Variants in STIM1 observed in about 807,000 individuals in gnomAD.
STIM1 encodes the protein stromal interaction molecule 1.
Under a neutral mutation model 74.7 loss-of-function variants are expected in STIM1, and 25 were observed. That is an observed-to-expected ratio of 0.33 (90% CI 0.24 to 0.47). The LOEUF (loss-of-function observed/expected upper bound fraction) is 0.47, where lower values mean the gene tolerates loss of function less well. Among genes scored for constraint, STIM1 ranks in the 20% least tolerant of loss-of-function variants. STIM1 has a pLI of 1.00. For synonymous variants in STIM1, 328 were observed against 348.8 expected (o/e 0.94, Z 0.66); for missense variants, 728 against 920.8 (o/e 0.79, Z 2.71).
chr11:4,074,646 C>T lies in STIM1; in HGVS notation c.936C>T (p.Ser312=). The T allele has an allele frequency of 6.3e-7, 1 of 1,580,458 alleles. No individual in the cohort carries two copies. Among genetic ancestry groups the T allele is most frequent in the Non-Finnish European group, 8.6e-7 (1 of 1,162,424 alleles). ...GGGAGGGTACTGAGAATGAGCGGAG[C>T]CGCCAAAAATATGCTGAGGAGGAGT... ...ELREGTENER[S]RQKYAEEELE... Residue 312 remains serine, a synonymous_variant, in exon 7 of 13, where the codon AGC becomes AGT. Transcript: ENST00000526596.
chr11:4,022,206 A>G (rs1384301550), intron 2 of STIM1, among the ~76,000 whole-genome samples: 2 of 151,692 alleles, frequency 1.3e-5, no homozygotes, highest in East Asian at 3.9e-4. Context: ...GGTGGCGTGC[A>G]CACCTATAGT....
chr11:4,090,733 G>A (rs1471729789), intron 12 of STIM1, among the ~76,000 whole-genome samples: 4 of 152,194 alleles, frequency 2.6e-5, no homozygotes, highest in Non-Finnish European at 5.9e-5. Flanking sequence ...TTGAGTCCCA[G>A]GAAATACAGC....
At chr11:3,953,529 G>T (rs527643833) in intron 1 of STIM1, among the ~76,000 whole-genome samples, 2 of 152,308 alleles carry the variant, frequency 1.3e-5, no homozygotes, top group South Asian at 2.1e-4. Context: ...ATAGGACGTG[G>T]TATAGGAAGT....
At chr11:4,064,912 G>A (rs917289480) in intron 5 of STIM1, among the ~76,000 whole-genome samples, 25 of 152,162 alleles carry the variant, frequency 1.6e-4, no homozygotes, top group African/African-American at 6.0e-4. Flanking sequence ...GTTAGGAGAT[G>A]TTATCCATCT....
At chr11:4,076,234 G>A (rs766889156) in intron 7 of STIM1, among the ~76,000 whole-genome samples, 9 of 151,672 alleles carry the variant, frequency 5.9e-5, no homozygotes, top group Non-Finnish European at 1.0e-4. Context: ...GACTGTAATC[G>A]CAGCAGTTTG....
intron 2 of STIM1, 108 bp downstream of exon 2, chr11:3,967,790 G>T: frequency 6.5e-7 from 1 of 1,526,752 alleles, no homozygotes; most frequent in Admixed American, 1.7e-5. Flanking sequence ...CTGCTGGCTT[G>T]TTCTTTAGGA....
At chr11:3,865,792 G>T (rs2090832466) in intron 1 of STIM1, among the ~76,000 whole-genome samples, 1 of 152,160 alleles carries the variant, frequency 6.6e-6, no homozygotes, top group Non-Finnish European at 1.5e-5. Flanking sequence ...ACTTTGTGGG[G>T]TTACTCGTGG....
chr11:4,054,206 G>A (rs1005390519), intron 3 of STIM1, among the ~76,000 whole-genome samples: 1 of 152,204 alleles, frequency 6.6e-6, no homozygotes, highest in Non-Finnish European at 1.5e-5. Context: ...GTAGATGTGA[G>A]AGGAGGAGAG....
At chr11:3,972,358 C>G (rs1479750357) in intron 2 of STIM1, among the ~76,000 whole-genome samples, 4 of 152,204 alleles carry the variant, frequency 2.6e-5, no homozygotes, top group Non-Finnish European at 5.9e-5. Context: ...TTCAGGGCCT[C>G]TTGCACTATT....
chr11:4,037,800 TATG>T (rs1159380436), intron 3 of STIM1, among the ~76,000 whole-genome samples: 4 of 152,160 alleles, frequency 2.6e-5, no homozygotes, highest in African/African-American at 4.8e-5. Flanking sequence ...ATTAATCAAA[TATG>T]ATTGATATGA....
chr11:4,068,625 G>A (rs1590687670), intron 5 of STIM1, among the ~76,000 whole-genome samples: 2 of 152,062 alleles, frequency 1.3e-5, no homozygotes, highest in African/African-American at 2.4e-5. Flanking sequence ...GGGGATGGCC[G>A]CTAGAGGACC....
chr11:3,880,683 T>C (rs1366705146), intron 1 of STIM1, among the ~76,000 whole-genome samples: 2 of 152,104 alleles, frequency 1.3e-5, no homozygotes, highest in Non-Finnish European at 2.9e-5. Flanking sequence ...AAATAAATCA[T>C]ATTCAGACCA....
chr11:4,059,433 T>C (rs1452088325), intron 5 of STIM1, 37 bp downstream of exon 5: 18 of 1,586,646 alleles, frequency 1.1e-5, no homozygotes, highest in Non-Finnish European at 1.4e-5. Context: ...TGCTGTGCCA[T>C]GGAAACCAAA....
At chr11:3,911,055 G>T (rs1481920110) in intron 1 of STIM1, among the ~76,000 whole-genome samples, 4 of 152,112 alleles carry the variant, frequency 2.6e-5, no homozygotes, top group Non-Finnish European at 5.9e-5. Context: ...GAGTCTGTGG[G>T]ATTTGGCCTG....
intron 1 of STIM1, chr11:3,892,899 CG>C (rs760738207): frequency 3.3e-5 from 47 of 1,415,164 alleles, no homozygotes; most frequent in Middle Eastern, 1.8e-4. Flanking sequence ...GCTGATAGTA[CG>C]GGGCTCCCGG....
intron 2 of STIM1, among the ~76,000 whole-genome samples, chr11:3,978,171 G>A (rs1048454129): frequency 1.4e-5 from 2 of 146,822 alleles, no homozygotes; most frequent in African/African-American, 5.1e-5. Flanking sequence ...TTTTTGAGAC[G>A]GAGTTTCGCT....
At chr11:3,863,042 G>A (rs1331392994) in intron 1 of STIM1, among the ~76,000 whole-genome samples, 1 of 151,802 alleles carries the variant, frequency 6.6e-6, no homozygotes, top group South Asian at 2.1e-4. Context: ...ACAGGTGCCC[G>A]CCACCACACC....
At chr11:3,897,378 G>C (rs950421738) in intron 1 of STIM1, among the ~76,000 whole-genome samples, 1 of 152,178 alleles carries the variant, frequency 6.6e-6, no homozygotes, top group East Asian at 1.9e-4. Context: ...TTGCGATGGA[G>C]AAGATGATGT....
chr11:3,859,063 G>A (rs952614777), intron 1 of STIM1, among the ~76,000 whole-genome samples: 2 of 152,204 alleles, frequency 1.3e-5, no homozygotes, highest in Non-Finnish European at 2.9e-5. Context: ...GAAAAGGGCT[G>A]TACTTTTTTT....
Sources: gnomAD v4.1 joint callset for allele counts (sites outside exome capture counted in the v4.1 genomes callset) on GRCh38, gnomAD v4.1.1 for gene constraint, MANE v1.5 for transcripts, NCBI Gene and HGNC (gene_info 2026-07-23, HGNC 2026-07-21) for gene names.